Variants in EHBP1L1 observed in about 807,000 individuals in gnomAD.
The protein encoded by EHBP1L1 is EH domain-binding protein 1-like protein 1.
EHBP1L1 carries 122 observed loss-of-function variants against 151.1 expected under a neutral mutation model. The observed-to-expected ratio is 0.81, with a 90% CI of 0.70 to 0.94. The LOEUF is 0.94. Among genes scored for constraint, EHBP1L1 ranks in the 40% least tolerant of loss-of-function variants. EHBP1L1 has a pLI of 0.00. For synonymous variants in EHBP1L1, 878 were observed against 810.1 expected, an observed-to-expected ratio of 1.08 and a Z score of -1.42; for missense variants, 1,941 against 1,959.8, an observed-to-expected ratio of 0.99 and a Z score of 0.18.
In EHBP1L1 at chr11:65,581,219, C is replaced by G; in HGVS notation, c.712C>G (p.Pro238Ala). Residue 238 changes from proline (P) to alanine (A), a missense_variant, in exon 8 of 19, where the codon CCT (proline) becomes GCT (alanine). Coordinates refer to ENST00000309295, the MANE Select transcript of EHBP1L1 (RefSeq NM_001099409.3). ...QGRPQQAVASPSNAEDTSPAP... is the reference protein window; with the variant it reads ...QGRPQQAVASASNAEDTSPAP... ...CCCCTCTTTCTTCTCAGTTGCCAGCCCTTCTAATGCTGAGGATACCAGCCC... is the reference window on the plus strand; with the variant it reads ...CCCCTCTTTCTTCTCAGTTGCCAGCGCTTCTAATGCTGAGGATACCAGCCC... 1 of 1,608,948 alleles carries G rather than the reference C, an allele frequency of 6.2e-7. No individual in the cohort carries two copies. The highest frequency in any genetic ancestry group is 1.3e-5 in the African/African-American group (1 of 74,872).
Position 65,585,616 on chromosome 11 carries a change from T to TC in EHBP1L1, c.3933+30dup. On this transcript the variant is annotated intron_variant, in intron 12 of 18. Coordinates refer to ENST00000309295, the MANE Select transcript of EHBP1L1 (RefSeq NM_001099409.3). The surrounding 1 kb of genome is among the most constrained non-coding windows in gnomAD (Gnocchi z 4.0). ...AGTGAGTGTCAAGGTCCTTCTTTCT[T>TC]CCCCCGCCGCAGCGCGGGGTCCCGG... is the stretch of plus-strand genomic sequence containing the variant. 6.5e-7 allele frequency: 1 copy of TC among 1,535,482 alleles called. No homozygotes were observed. Among genetic ancestry groups the TC allele is most frequent in the Non-Finnish European group, 8.7e-7 (1 of 1,146,866 alleles).
At chr11:65,579,552 G>A (rs1857492467) in intron 3 of EHBP1L1, 116 bp downstream of exon 3, 3 of 889,652 alleles carry the variant, frequency 3.4e-6, no homozygotes, top group Middle Eastern at 2.8e-4. Flanking sequence ...CGGGGGGTGA[G>A]GCCAAGAATT....
intron 12 of EHBP1L1, among the ~76,000 whole-genome samples, chr11:65,587,602 C>T (rs1334712222): frequency 6.6e-6 from 1 of 152,068 alleles, no homozygotes. Flanking sequence ...AAGTTGCTGT[C>T]AAAAAAGGGG....
At chr11:65,577,100 A>G (rs1247163444) in intron 1 of EHBP1L1, among the ~76,000 whole-genome samples, 1 of 152,174 alleles carries the variant, frequency 6.6e-6, no homozygotes, top group Non-Finnish European at 1.5e-5. Flanking sequence ...AGCCTGGACT[A>G]CCAACAGGTT....
Position 65,580,994 on chromosome 11 carries a change from G to A in EHBP1L1, c.635-64G>A, listed in dbSNP as rs558969124. ...ACCTGCACTGTAGTTGGGGGAGGGG[G>A]TCAGGCCTGTGGGGCCCTGCCCTGG... On this transcript the variant is annotated intron_variant, in intron 6 of 18. Coordinates refer to ENST00000309295, the MANE Select transcript of EHBP1L1 (RefSeq NM_001099409.3). 50 of 1,540,556 alleles carry A rather than the reference G, an allele frequency of 3.2e-5. No individual in the cohort carries two copies. In the East Asian group the frequency reaches 1.1e-3, roughly 34 times the overall value.
rs753082504 is a variant in EHBP1L1 at position 65,579,941 on chromosome 11, C to G, written c.264C>G (p.Pro88=). The change falls in exon 4 of 19, where the codon CCC becomes CCG. Residue 88 remains proline, a synonymous_variant. Coordinates refer to ENST00000309295, the MANE Select transcript of EHBP1L1 (RefSeq NM_001099409.3). ...ACCAGCACCCTTCTTCCCAGGACCC[C>G]CACGTGGACCAGTATGAGGCCAAAG... ...VDISVTLYRD[P]HVDQYEAKEW... 5.6e-6 allele frequency: 9 copies of G among 1,613,754 alleles called. No homozygotes were observed. Among genetic ancestry groups the G allele is most frequent in the Non-Finnish European group, 7.6e-6 (9 of 1,179,864 alleles).
At position 65,592,390 on chromosome 11, in the gene EHBP1L1, C is replaced by T; in HGVS notation, c.*88C>T. ...TGCGCTGCGGACGACCCGGCCGTCC[C>T]GGAGGCCGCGCGCGTGTCCGCTAGG... On this transcript the variant is annotated 3_prime_UTR_variant, in exon 19 of 19. Transcript: ENST00000309295. The T allele has an allele frequency of 3.9e-6, 4 of 1,027,956 alleles. No individual in the cohort carries two copies. The highest frequency in any genetic ancestry group is 4.8e-6 in the Non-Finnish European group (4 of 833,170). The allele number at this position is 1,027,956 out of a possible 1,614,324, so 63.7% of individuals were successfully genotyped here. A position where few individuals can be genotyped will look rare whatever the true frequency, so the allele number is the denominator to read the frequency against.
intron 8 of EHBP1L1, 62 bp from the exon 9 acceptor site, chr11:65,581,477 G>C: frequency 7.1e-7 from 1 of 1,415,482 alleles, no homozygotes; most frequent in South Asian, 1.5e-5. Context: ...GAAGGGTGGC[G>C]GATGGTGCTG....
At chr11:65,590,402 C>A (rs1858208691) in intron 15 of EHBP1L1, 91 bp from the exon 16 acceptor site, 2 of 1,522,018 alleles carry the variant, frequency 1.3e-6, no homozygotes, top group Non-Finnish European at 1.8e-6. Context: ...TGGGATGTCA[C>A]AAGGGAGCAA....
At position 65,590,540 on chromosome 11, in the gene EHBP1L1, C is replaced by T. The variant is rs1858218071; in HGVS notation, c.4231C>T (p.Leu1411=). 6.2e-7 allele frequency: 1 copy of T among 1,613,552 alleles called. No homozygotes were observed. The change falls in exon 16 of 19, where the codon CTG becomes TTG. Residue 1411 remains leucine, a synonymous_variant. Transcript: ENST00000309295. The stretch of plus-strand genomic sequence containing the variant: ...GGTGCTGATCCAGGAGTGGTTCACC[C>T]TGGTCAACAAGAAGAACGCTCTCAT... The part of the protein sequence containing the change: ...EEVLIQEWFT[L]VNKKNALIRR...
Position 65,580,341 on chromosome 11 carries a change from G to A in EHBP1L1, c.496G>A (p.Asp166Asn), listed in dbSNP as rs369730239. ...CCTTTAACCTCTGCCTCCCAGGGAC[G>A]ATGACATGCAGAGTCTCGCAAGCCT... ...VLLREGRATD[D>N]DMQSLASLMS... The change falls in exon 6 of 19, where the codon GAT becomes AAT. Residue 166 changes from aspartate (D) to asparagine (N), a missense_variant. Transcript: ENST00000309295. The A allele has an allele frequency of 4.5e-5, 72 of 1,613,610 alleles. No individual in the cohort carries two copies. Among genetic ancestry groups the A allele is most frequent in the Non-Finnish European group, 5.8e-5 (69 of 1,179,860 alleles).
At position 65,579,879 on chromosome 11, in the gene EHBP1L1, C is replaced by T; in HGVS notation, c.259-57C>T. On this transcript the variant is annotated intron_variant, in intron 3 of 18. Transcript: ENST00000309295. Reference sequence around the variant, plus strand: ...AAGCACCTCCTGAGCCAGACAAGCTCTGCTCCCTTTGCTGCTGCCCCAACA... The same window carrying T: ...AAGCACCTCCTGAGCCAGACAAGCTTTGCTCCCTTTGCTGCTGCCCCAACA... 8 of 1,584,552 alleles carry T rather than the reference C, an allele frequency of 5.0e-6. No homozygotes were observed. In the African/African-American group the frequency reaches 1.1e-4, roughly 21 times the overall value.
Position 65,582,639 on chromosome 11 carries a change from CAG to C in EHBP1L1, c.1969_1970del (p.Glu657SerfsTer17), listed in dbSNP as rs1475362533. 1 of 1,613,464 alleles carries C rather than the reference CAG, an allele frequency of 6.2e-7. No homozygotes were observed. Among genetic ancestry groups the C allele is most frequent in the Non-Finnish European group, 8.5e-7 (1 of 1,179,816 alleles). On this transcript the variant is annotated frameshift_variant, in exon 9 of 19. Transcript: ENST00000309295. LOFTEE classifies it high-confidence loss of function. ...ACTGAGGTATTGGGGACCCAGAAAA[CAG>C]AAGCTGGGGGTTCAGGAGTTTTGCA...
At chr11:65,581,168 G>A in intron 7 of EHBP1L1, 42 bp downstream of exon 7, 1 of 1,611,816 alleles carries the variant, frequency 6.2e-7, no homozygotes, top group South Asian at 1.1e-5. Context: ...CTGGACCCCA[G>A]GTCACTGGGC....
intron 14 of EHBP1L1, 30 bp downstream of exon 14, chr11:65,590,021 G>A (rs2135324940): frequency 6.2e-7 from 1 of 1,608,564 alleles, no homozygotes; most frequent in Non-Finnish European, 8.5e-7. Context: ...AGGAGCTGAT[G>A]GGTGAGCACC....
intron 6 of EHBP1L1, chr11:65,580,783 G>A (rs931581194): frequency 2.6e-6 from 2 of 781,656 alleles, no homozygotes; most frequent in East Asian, 6.0e-5. Context: ...CAGAAGCCCG[G>A]CTCCTGATCC....
chr11:65,584,622 G>C, intron 11 of EHBP1L1, 88 bp downstream of exon 11: 2 of 1,524,326 alleles, frequency 1.3e-6, no homozygotes, highest in Non-Finnish European at 1.8e-6. Context: ...TGGACTGCCG[G>C]GCCCAGCAGT....
intron 1 of EHBP1L1, among the ~76,000 whole-genome samples, chr11:65,578,444 C>G (rs1444483620): frequency 6.6e-6 from 1 of 152,190 alleles, no homozygotes; most frequent in Non-Finnish European, 1.5e-5. Flanking sequence ...CATCCCCCTG[C>G]CACTCATCTC....
intron 9 of EHBP1L1, 42 bp from the exon 10 acceptor site, chr11:65,584,199 A>G: frequency 6.3e-7 from 1 of 1,586,284 alleles, no homozygotes; most frequent in Non-Finnish European, 8.5e-7. Flanking sequence ...GAGGGCATAC[A>G]TCCCATTTAT....
Sources: gnomAD v4.1 joint callset for allele counts (sites outside exome capture counted in the v4.1 genomes callset) on GRCh38, gnomAD v4.1.1 for gene constraint, Gnocchi (gnomAD v3.1) non-coding constraint, MANE v1.5 for transcripts, NCBI Gene and HGNC (gene_info 2026-07-23, HGNC 2026-07-21) for gene names.